The following TFPI variants were observed in gnomAD, a reference collection of about 807,000 sequenced individuals.
TFPI encodes the protein anti-convertin.
A neutral mutation model predicts 34.6 loss-of-function variants in TFPI; 15 were observed. The observed-to-expected ratio is 0.43, with a 90% CI of 0.29 to 0.67. The LOEUF (loss-of-function observed/expected upper bound fraction) is 0.67, where lower values mean the gene tolerates loss of function less well. Among genes scored for constraint, TFPI ranks in the 30% least tolerant of loss-of-function variants. The pLI, the probability that TFPI is intolerant of heterozygous loss-of-function variation, is 0.15. For missense variants in TFPI, 301 were observed against 364.0 expected (o/e 0.83, Z 1.41); for synonymous variants, 105 against 120.1 (o/e 0.87, Z 0.82).
At chr2:187,477,807 T>C (rs1355026157) in intron 6 of TFPI, among the ~76,000 whole-genome samples, 1 of 152,202 alleles carries the variant, frequency 6.6e-6, no homozygotes, top group Non-Finnish European at 1.5e-5. Context: ...TTCTATTTTT[T>C]CCACATAAAT....
At chr2:187,529,083 C>G (rs907664834) in intron 1 of TFPI, among the ~76,000 whole-genome samples, 1 of 152,070 alleles carries the variant, frequency 6.6e-6, no homozygotes, top group South Asian at 2.1e-4. Flanking sequence ...TGATAGTTAA[C>G]TGGTAAAAAC....
At chr2:187,519,606 G>A (rs1687238552) in intron 1 of TFPI, 2 of 151,750 alleles carry the variant, frequency 1.3e-5, no homozygotes, top group Non-Finnish European at 2.9e-5. Context: ...TTGTCTCCCA[G>A]TCAGGAGACA....
At chr2:187,519,871 G>A (rs1687260099) in intron 1 of TFPI, 1 of 152,238 alleles carries the variant, frequency 6.6e-6, no homozygotes, top group Admixed American at 6.5e-5. Context: ...TAGGGAGGCA[G>A]TCTGTTTACA....
rs146514691 is a variant in TFPI, at chr2:187,525,252, CAG to C, written c.-2-21484_-2-21483del. Among the ~76,000 whole-genome samples the C allele has an allele frequency of 8.7e-3, 1,320 of 152,174 alleles. 23 individuals are homozygous for C. Among genetic ancestry groups the C allele is most frequent in the African/African-American group, 0.03 (1,238 of 41,530 alleles). ...ATATAACCTTCCAAGTAGCATAAAA[CAG>C]AGTAATATTTGCACTCATAACTCTG... On this transcript the variant is annotated intron_variant, in intron 1 of 7. Transcript: ENST00000233156.
chr2:187,501,487 T>C (rs1306592179), intron 2 of TFPI, among the ~76,000 whole-genome samples: 1 of 152,140 alleles, frequency 6.6e-6, no homozygotes, highest in Non-Finnish European at 1.5e-5. Context: ...GATTTTATTT[T>C]ATTTTATTTT....
rs1424336153 is a variant in TFPI at position 187,466,419 on chromosome 2, G to A, written c.*517C>T. The stretch of plus-strand genomic sequence containing the variant: ...AAAGGAGAAAAACTATGTCTAAGGA[G>A]GGAAGCACATAATAGAATTCTATTA... On this transcript the variant is annotated 3_prime_UTR_variant, in exon 8 of 8. Coordinates refer to ENST00000233156, the MANE Select transcript of TFPI (RefSeq NM_006287.6). 1 of 152,618 alleles carries A rather than the reference G, an allele frequency of 6.6e-6. No homozygotes were observed. Among genetic ancestry groups the A allele is most frequent in the Admixed American group, 6.5e-5 (1 of 15,272 alleles). 9.5% of individuals were successfully genotyped at this position (152,618 alleles called of 1,614,324 possible). A position where few individuals can be genotyped will look rare whatever the true frequency, so the allele number is the denominator to read the frequency against.
chr2:187,502,503 G>C (rs147014581), intron 2 of TFPI, among the ~76,000 whole-genome samples: 70 of 152,208 alleles, frequency 4.6e-4, no homozygotes, highest in African/African-American at 1.6e-3. Context: ...CCGAATGAGG[G>C]ATTGAAACTC....
intron 2 of TFPI, among the ~76,000 whole-genome samples, chr2:187,497,730 T>A (rs963754848): frequency 2.6e-5 from 4 of 151,982 alleles, no homozygotes; most frequent in African/African-American, 9.7e-5. Context: ...AATATTTAAC[T>A]CCTAATTTTC....
intron 1 of TFPI, among the ~76,000 whole-genome samples, chr2:187,510,734 A>T (rs558351171): frequency 6.6e-6 from 1 of 152,094 alleles, no homozygotes; most frequent in Admixed American, 6.5e-5. Context: ...TTACTGGTGC[A>T]TGCAGCCCCC....
rs532701857 is a variant in TFPI, at chr2:187,491,752, AT to A, written c.320-3378del. Among the ~76,000 whole-genome samples the A allele has an allele frequency of 1.7e-4, 26 of 152,140 alleles. No homozygotes were observed. The South Asian group carries it at 5.0e-3, about 29-fold the overall frequency. On this transcript the variant is annotated intron_variant, in intron 3 of 7. Transcript: ENST00000233156. ...GATTGCTGGAACAAATGGTAGTTCT[AT>A]TTTTTAGGTCTTTGGGAAATCTCCA...
chr2:187,544,131 T>A (rs939937394), intron 1 of TFPI, among the ~76,000 whole-genome samples: 1 of 152,124 alleles, frequency 6.6e-6, no homozygotes, highest in Non-Finnish European at 1.5e-5. Context: ...CTCACAGTTG[T>A]TTTGCTGTTT....
chr2:187,496,329 TGA>T (rs1296586117), intron 3 of TFPI, among the ~76,000 whole-genome samples: 1 of 152,102 alleles, frequency 6.6e-6, no homozygotes, highest in Non-Finnish European at 1.5e-5. Flanking sequence ...TTCATGATCT[TGA>T]GAGAGTATAG....
intron 6 of TFPI, chr2:187,483,917 C>A: frequency 1.9e-6 from 1 of 521,020 alleles, no homozygotes; most frequent in South Asian, 2.9e-5. Context: ...TACTTCAAAG[C>A]ATACTTTAAA....
At chr2:187,551,920 T>C (rs1196217390) in intron 1 of TFPI, among the ~76,000 whole-genome samples, 1 of 152,154 alleles carries the variant, frequency 6.6e-6, no homozygotes. Context: ...TGGCTGGTTG[T>C]AGAAGGCCTT....
At chr2:187,521,786 C>T (rs1207128314) in intron 1 of TFPI, among the ~76,000 whole-genome samples, 1 of 152,056 alleles carries the variant, frequency 6.6e-6, no homozygotes, top group Non-Finnish European at 1.5e-5. Context: ...CCAGGCTGGT[C>T]TCCAACTGCG....
At position 187,469,629 on chromosome 2, in the gene TFPI, T is replaced by C. The variant is rs187542557; in HGVS notation, c.629-1697A>G. ...GACAAGGGTAGCTAAAATCTACTTA[T>C]ATAACAGAAATCCCTAACACAATAC... On this transcript the variant is annotated intron_variant, in intron 6 of 7. Transcript: ENST00000233156. 3.8e-3 allele frequency among the ~76,000 whole-genome samples: 575 copies of C among 152,260 alleles called. 5 individuals are homozygous for C. Among genetic ancestry groups the C allele is most frequent in the African/African-American group, 0.013 (543 of 41,568 alleles).
intron 1 of TFPI, among the ~76,000 whole-genome samples, chr2:187,506,322 T>C (rs1418423528): frequency 5.3e-5 from 8 of 151,960 alleles, no homozygotes; most frequent in South Asian, 4.1e-4. Context: ...TTTAAAAAAA[T>C]TGACCCCATT....
intron 6 of TFPI, among the ~76,000 whole-genome samples, chr2:187,475,537 TTTAA>T (rs1251081754): frequency 5.3e-5 from 8 of 152,184 alleles, no homozygotes; most frequent in African/African-American, 1.7e-4. Flanking sequence ...TACTTTGTGC[TTTAA>T]TTGTGTGCTC....
intron 6 of TFPI, among the ~76,000 whole-genome samples, chr2:187,479,337 C>T (rs1387104509): frequency 1.3e-5 from 2 of 151,608 alleles, no homozygotes; most frequent in Non-Finnish European, 2.9e-5. Context: ...TAATTTGTTA[C>T]ATATGACTGT....
Sources: allele counts gnomAD v4.1 joint callset (sites outside exome capture counted in the v4.1 genomes callset), GRCh38; gene constraint gnomAD v4.1.1; transcripts MANE v1.5; gene names NCBI Gene and HGNC (gene_info 2026-07-23, HGNC 2026-07-21).